Variants in SLC26A7 observed in about 807,000 individuals in gnomAD.
SLC26A7 encodes solute carrier family 26 member 7.
SLC26A7 carries 59 observed loss-of-function variants against 82.5 expected under a neutral mutation model. That is an observed-to-expected ratio of 0.72 (90% confidence interval 0.58 to 0.89). SLC26A7 has a LOEUF of 0.89. Ranked by LOEUF, SLC26A7 falls within the 40% of genes least tolerant of loss-of-function variation. SLC26A7 has a pLI of 0.00. For synonymous variants in SLC26A7, 271 were observed against 274.3 expected, an observed-to-expected ratio of 0.99 and a Z score of 0.12; for missense variants, 820 against 793.0, an observed-to-expected ratio of 1.03 and a Z score of -0.41.
intron 2 of SLC26A7, among the ~76,000 whole-genome samples, chr8:91,230,814 AAC>A (rs1810301229): frequency 6.6e-6 from 1 of 152,252 alleles, no homozygotes; most frequent in Non-Finnish European, 1.5e-5. Context: ...TGATGGCAAC[AAC>A]ACGGAAGATG....
intron 4 of SLC26A7, among the ~76,000 whole-genome samples, chr8:91,299,394 A>AT (rs1383549111): frequency 1.3e-5 from 2 of 150,186 alleles, no homozygotes; most frequent in Non-Finnish European, 3.0e-5. Flanking sequence ...AAGTCACCAT[A>AT]TTTTTTTTCT....
intron 11 of SLC26A7, among the ~76,000 whole-genome samples, chr8:91,361,254 A>C (rs1487116892): frequency 6.6e-6 from 1 of 152,150 alleles, no homozygotes; most frequent in African/African-American, 2.4e-5. Flanking sequence ...TATTTCAAAA[A>C]CAACAATAAC....
intron 2 of SLC26A7, among the ~76,000 whole-genome samples, chr8:91,269,381 C>T (rs2130731495): frequency 6.6e-6 from 1 of 152,152 alleles, no homozygotes; most frequent in African/African-American, 2.4e-5. Flanking sequence ...TATTCTTAGA[C>T]ATAGTGTTCT....
intron 2 of SLC26A7, among the ~76,000 whole-genome samples, 159 bp downstream of exon 2, chr8:91,250,003 T>C (rs965772361): frequency 1.3e-5 from 2 of 152,184 alleles, no homozygotes; most frequent in African/African-American, 2.4e-5. Flanking sequence ...AGAGTTTTCC[T>C]AATTGTCTTT....
chr8:91,277,489 C>A (rs772214369), intron 2 of SLC26A7, among the ~76,000 whole-genome samples: 7 of 152,144 alleles, frequency 4.6e-5, no homozygotes, highest in Non-Finnish European at 8.8e-5. Context: ...CCCAACTCAA[C>A]CTCATTTGGG....
At chr8:91,306,997 C>T (rs1463268739) in intron 4 of SLC26A7, among the ~76,000 whole-genome samples, 3 of 143,544 alleles carry the variant, frequency 2.1e-5, no homozygotes, top group African/African-American at 7.9e-5. Flanking sequence ...AGGACATGAA[C>T]AGACACTTCT....
intron 8 of SLC26A7, among the ~76,000 whole-genome samples, chr8:91,341,144 C>G (rs867319038): frequency 2.0e-5 from 3 of 152,032 alleles, no homozygotes; most frequent in African/African-American, 7.3e-5. Context: ...CTCCTCCCCC[C>G]ACCCCACAAC....
At chr8:91,392,743 T>G (rs538390454) in intron 16 of SLC26A7, among the ~76,000 whole-genome samples, 1 of 152,264 alleles carries the variant, frequency 6.6e-6, no homozygotes, top group South Asian at 2.1e-4. Flanking sequence ...TTCTTTTACT[T>G]GGGACATTGA....
At position 91,324,777 on chromosome 8, in the gene SLC26A7, G is replaced by A. The variant is rs113312834; in HGVS notation, c.642+6397G>A. 1.5e-3 allele frequency among the ~76,000 whole-genome samples: 225 copies of A among 152,286 alleles called. 2 individuals are homozygous for A. Among genetic ancestry groups the A allele is most frequent in the African/African-American group, 5.3e-3 (222 of 41,564 alleles). ...GATTGAAGGTGGGTAACGTGGTCAAGTGACAGGGGTGGGTCTGCTTAGATA... is the reference window on the plus strand; with the variant it reads ...GATTGAAGGTGGGTAACGTGGTCAAATGACAGGGGTGGGTCTGCTTAGATA... On this transcript the variant is annotated intron_variant, in intron 5 of 18. Coordinates refer to ENST00000276609, the MANE Select transcript of SLC26A7 (RefSeq NM_052832.4).
At chr8:91,306,394 C>T (rs1812308747) in intron 4 of SLC26A7, among the ~76,000 whole-genome samples, 1 of 152,134 alleles carries the variant, frequency 6.6e-6, no homozygotes, top group African/African-American at 2.4e-5. Context: ...CCTTCTTTTT[C>T]CCTGTGCTGA....
intron 4 of SLC26A7, among the ~76,000 whole-genome samples, chr8:91,303,231 A>G (rs1729930389): frequency 1.3e-5 from 2 of 152,162 alleles, no homozygotes; most frequent in African/African-American, 4.8e-5. Flanking sequence ...ACAAACACAT[A>G]ATAAAAGCCA....
chr8:91,286,006 T>C (rs1383290487), intron 2 of SLC26A7, among the ~76,000 whole-genome samples: 2 of 152,182 alleles, frequency 1.3e-5, no homozygotes, highest in Non-Finnish European at 2.9e-5. Flanking sequence ...AAATCTGAAT[T>C]TTAATATATA....
chr8:91,295,625 C>A lies in SLC26A7; in HGVS notation c.399C>A (p.Ser133Arg), dbSNP rs561154188. ...ATCTCACCACACAGAGTAACACAAG[C>A]GTGCTGGGCTTATCCGACTTTGAAA... The part of the protein sequence containing the change: ...MQNLTTQSNT[S>R]VLGLSDFEMQ... The change falls in exon 4 of 19, where the codon AGC (serine) becomes AGA (arginine). Residue 133 changes from serine to arginine, a missense_variant. Physicochemically the swap from Ser to Arg is moderately radical, Grantham distance 110. Transcript: ENST00000276609. 31 of 1,614,100 alleles carry A rather than the reference C, an allele frequency of 1.9e-5. No homozygotes were observed. In the African/African-American group the frequency reaches 2.1e-4, roughly 11 times the overall value.
chr8:91,297,232 G>A (rs766197844), intron 4 of SLC26A7, among the ~76,000 whole-genome samples: 26 of 151,908 alleles, frequency 1.7e-4, no homozygotes, highest in Non-Finnish European at 3.4e-4. Flanking sequence ...TATTAGTATA[G>A]TAAAAATCTA....
At chr8:91,235,728 A>C (rs374403126) in intron 2 of SLC26A7, among the ~76,000 whole-genome samples, 3 of 152,256 alleles carry the variant, frequency 2.0e-5, no homozygotes, top group East Asian at 3.8e-4. Context: ...TACTTCCAAC[A>C]ATCATTGATT....
At chr8:91,284,478 A>G (rs1563659500) in intron 2 of SLC26A7, among the ~76,000 whole-genome samples, 1 of 152,254 alleles carries the variant, frequency 6.6e-6, no homozygotes, top group Non-Finnish European at 1.5e-5. Flanking sequence ...ACAAAGCTTT[A>G]AAAGACTAAC....
chr8:91,364,904 C>G (rs1814148916), intron 13 of SLC26A7, among the ~76,000 whole-genome samples: 1 of 152,092 alleles, frequency 6.6e-6, no homozygotes, highest in Non-Finnish European at 1.5e-5. Flanking sequence ...TATTACATCT[C>G]TCTAATTATT....
intron 4 of SLC26A7, among the ~76,000 whole-genome samples, chr8:91,299,731 T>C (rs537495053): frequency 6.6e-6 from 1 of 152,340 alleles, no homozygotes; most frequent in Non-Finnish European, 1.5e-5. Flanking sequence ...TCAAGCTTTG[T>C]ATTTTTAATT....
At chr8:91,325,314 T>C (rs1390729639) in intron 5 of SLC26A7, among the ~76,000 whole-genome samples, 1 of 152,134 alleles carries the variant, frequency 6.6e-6, no homozygotes, top group Non-Finnish European at 1.5e-5. Flanking sequence ...CCCCTACTCT[T>C]CTAGGAAGTG....
Sources: allele counts gnomAD v4.1 joint callset (sites outside exome capture counted in the v4.1 genomes callset), GRCh38; gene constraint gnomAD v4.1.1; transcripts MANE v1.5; gene names NCBI Gene and HGNC (gene_info 2026-07-23, HGNC 2026-07-21).